The following SOX5 variants were observed in gnomAD, a reference collection of about 807,000 sequenced individuals.
The protein encoded by SOX5 is SRY-box transcription factor 5.
In SOX5, 9 loss-of-function variants were observed where a neutral mutation model predicts 92.0. The ratio of observed to expected loss-of-function variants is 0.10; its 90% CI spans 0.06 to 0.17. The LOEUF is 0.17. Ranked by LOEUF, SOX5 falls within the 10% of genes least tolerant of loss-of-function variation. The pLI is 1.00. For missense variants in SOX5, 642 were observed against 944.5 expected (o/e 0.68, Z 4.20); for synonymous variants, 344 against 336.3 (o/e 1.02, Z -0.25).
At chr12:23,821,375 G>C (rs1433150628) in intron 3 of SOX5, among the ~76,000 whole-genome samples, 3 of 152,218 alleles carry the variant, frequency 2.0e-5, no homozygotes, top group African/African-American at 7.2e-5. Flanking sequence ...TGCAAACAGA[G>C]ATAATTTGAC....
rs376550773 is a variant in SOX5, at chr12:23,704,687, CATAT to C, written c.810+29993_810+29996del. Among the ~76,000 whole-genome samples the C allele has an allele frequency of 5.8e-4, 52 of 90,122 alleles. 1 individual carries two copies. The highest frequency in any genetic ancestry group is 1.3e-3 in the African/African-American group (34 of 25,986). 59.1% of individuals were successfully genotyped at this position (90,122 alleles called of 152,430 possible). On this transcript the variant is annotated intron_variant, in intron 6 of 14. Transcript: ENST00000451604. ...TTAGTTCTGGGCATATATATGCATG[CATAT>C]ATATATATATATATATATATATATA...
intron 1 of SOX5, among the ~76,000 whole-genome samples, chr12:24,419,632 T>TAGCTCAAGATTAGCTCA (rs1965604233): frequency 6.6e-6 from 1 of 152,338 alleles, no homozygotes; most frequent in Non-Finnish European, 1.5e-5. Context: ...TGCTATAGAT[T>TAGCTCAAGATTAGCTCA]AGATTAGCTC....
At chr12:24,538,598 AAC>A (rs60114784) in intron 1 of SOX5, among the ~76,000 whole-genome samples, 7,168 of 143,762 alleles carry the variant, frequency 0.05, 220 homozygotes, top group Admixed American at 0.093. Flanking sequence ...GCTGGATCTA[AAC>A]ACACACACAC....
intron 2 of SOX5, among the ~76,000 whole-genome samples, chr12:23,866,179 A>G (rs964605635): frequency 2.0e-5 from 3 of 152,246 alleles, no homozygotes; most frequent in African/African-American, 7.2e-5. Flanking sequence ...ATACACATGT[A>G]CACTATGGCA....
At chr12:23,803,845 C>T (rs917804761) in intron 3 of SOX5, among the ~76,000 whole-genome samples, 2 of 152,070 alleles carry the variant, frequency 1.3e-5, no homozygotes, top group Non-Finnish European at 2.9e-5. Flanking sequence ...ACACATGAAC[C>T]GCATTCCAGA....
At chr12:24,392,387 C>T (rs767344018) in intron 1 of SOX5, among the ~76,000 whole-genome samples, 11 of 152,154 alleles carry the variant, frequency 7.2e-5, no homozygotes, top group Non-Finnish European at 2.9e-5. Flanking sequence ...CCCTAACGCC[C>T]CCACCAGCAG....
rs549387274 is a variant in SOX5, at chr12:24,139,834, G to A, written c.-2+73509C>T. ...TAGCTCTAAAGCTAGGTACTGGCAA[G>A]CCCTGTGGAGCACACCAGTGCATTA... On this transcript the variant is annotated intron_variant, in intron 4 of 4. Coordinates refer to the SOX5 transcript ENST00000446891. Among the ~76,000 whole-genome samples, 3 of 152,266 alleles carry A rather than the reference G, an allele frequency of 2.0e-5. No homozygotes were observed. In the East Asian group the frequency reaches 5.8e-4, roughly 29 times the overall value.
intron 1 of SOX5, among the ~76,000 whole-genome samples, chr12:23,916,405 G>A (rs1269696984): frequency 3.3e-5 from 5 of 152,106 alleles, no homozygotes; most frequent in Non-Finnish European, 5.9e-5. Context: ...GCAAAAAGCA[G>A]GATGAAATAA....
At chr12:24,531,079 C>T (rs1488874138) in intron 1 of SOX5, among the ~76,000 whole-genome samples, 1 of 152,164 alleles carries the variant, frequency 6.6e-6, no homozygotes, top group Non-Finnish European at 1.5e-5. Flanking sequence ...TGGAAATTAT[C>T]TATTTGCAAG....
At chr12:24,204,327 A>AATT (rs1555173283) in intron 4 of SOX5, among the ~76,000 whole-genome samples, 3,178 of 149,944 alleles carry the variant, frequency 0.021, 104 homozygotes, top group African/African-American at 0.073. Context: ...TATTATTATT[A>AATT]ATTATTATTA....
intron 1 of SOX5, among the ~76,000 whole-genome samples, chr12:23,935,039 A>C (rs947124302): frequency 6.6e-6 from 1 of 151,294 alleles, no homozygotes; most frequent in Non-Finnish European, 1.5e-5. Flanking sequence ...TTAAAAGATT[A>C]AGACTTAAAA....
intron 4 of SOX5, among the ~76,000 whole-genome samples, chr12:24,030,844 G>C (rs181517750): frequency 6.6e-6 from 1 of 151,858 alleles, no homozygotes; most frequent in Non-Finnish European, 1.5e-5. Context: ...ATAGCTCATA[G>C]CAACAAGACA....
intron 1 of SOX5, among the ~76,000 whole-genome samples, chr12:24,513,706 A>G (rs1949526718): frequency 6.6e-6 from 1 of 152,200 alleles, no homozygotes; most frequent in Non-Finnish European, 1.5e-5. Context: ...AAAATGAAGT[A>G]AAATATCCCA....
chr12:23,820,051 T>C (rs1446288351), intron 3 of SOX5, among the ~76,000 whole-genome samples: 1 of 152,232 alleles, frequency 6.6e-6, no homozygotes, highest in Non-Finnish European at 1.5e-5. Context: ...CCACCAACAG[T>C]ATAAAAGCGT....
At chr12:24,171,911 G>A (rs1334923540) in intron 4 of SOX5, among the ~76,000 whole-genome samples, 1 of 152,034 alleles carries the variant, frequency 6.6e-6, no homozygotes, top group Non-Finnish European at 1.5e-5. Flanking sequence ...CAGAGAAAGT[G>A]GCATTTAAGT....
At chr12:24,361,376 C>T (rs988625933) in intron 2 of SOX5, among the ~76,000 whole-genome samples, 3 of 152,130 alleles carry the variant, frequency 2.0e-5, no homozygotes, top group Admixed American at 6.5e-5. Context: ...CTCTTACTAG[C>T]TATTGAACCA....
At chr12:24,166,612 T>C (rs886723112) in intron 4 of SOX5, among the ~76,000 whole-genome samples, 1 of 152,204 alleles carries the variant, frequency 6.6e-6, no homozygotes, top group Non-Finnish European at 1.5e-5. Flanking sequence ...ACCTCTTCTT[T>C]CTCATTGATA....
chr12:23,962,567 A>G (rs1412402211), intron 4 of SOX5, among the ~76,000 whole-genome samples: 1 of 152,238 alleles, frequency 6.6e-6, no homozygotes, highest in African/African-American at 2.4e-5. Context: ...ATAATGGACT[A>G]GCCTCTGCTT....
At chr12:24,233,765 G>A (rs1489532222) in intron 3 of SOX5, among the ~76,000 whole-genome samples, 1 of 152,188 alleles carries the variant, frequency 6.6e-6, no homozygotes, top group African/African-American at 2.4e-5. Flanking sequence ...GCACAAGGAA[G>A]ACCTATGTGC....
Sources: allele counts gnomAD v4.1 joint callset (sites outside exome capture counted in the v4.1 genomes callset), GRCh38; gene constraint gnomAD v4.1.1; transcripts MANE v1.5; gene names NCBI Gene and HGNC (gene_info 2026-07-23, HGNC 2026-07-21).